Variants in HIVEP1 observed in about 807,000 individuals in gnomAD.
HIVEP1 encodes zinc finger protein 40.
In HIVEP1, 36 loss-of-function variants were observed where a neutral mutation model predicts 180.0. That is an observed-to-expected ratio of 0.20 (90% CI 0.15 to 0.26). The LOEUF (loss-of-function observed/expected upper bound fraction) is 0.26. Among genes scored for constraint, HIVEP1 ranks in the 10% least tolerant of loss-of-function variants. The pLI, the probability that HIVEP1 is intolerant of heterozygous loss-of-function variation, is 1.00. For missense variants in HIVEP1, 3,143 were observed against 3,268.7 expected, an observed-to-expected ratio of 0.96 and a Z score of 0.94; for synonymous variants, 1,239 against 1,239.0, an observed-to-expected ratio of 1.00 and a Z score of 0.00.
the HIVEP1 span, among the ~76,000 whole-genome samples, chr6:12,188,590 C>G: frequency 6.6e-6 from 1 of 151,922 alleles, no homozygotes; most frequent in South Asian, 2.1e-4. Context: ...ATATCAAAAT[C>G]AGAACTTAAA....
At position 12,122,074 on chromosome 6, in the gene HIVEP1, A is replaced by G; in HGVS notation, c.2279A>G (p.Asp760Gly). 1 of 1,614,222 alleles carries G rather than the reference A, an allele frequency of 6.2e-7. No individual in the cohort carries two copies. Among genetic ancestry groups the G allele is most frequent in the South Asian group, 1.1e-5 (1 of 91,090 alleles). ...ATCTCAGACAATGAAGCTTTGGTAG[A>G]TGACAAGCAACTGGATAGTGTGAAG... ...KLISDNEALV[D>G]DKQLDSVKPR... Residue 760 changes from aspartate (D) to glycine (G), a missense_variant, in exon 4 of 9, where the codon GAT becomes GGT. By Grantham distance (94) the Asp-to-Gly change is moderately conservative (BLOSUM62 -1). This residue lies in a region of HIVEP1 where 32 missense variants were observed against 70.0 expected (regional missense o/e 0.46). Coordinates refer to ENST00000379388, the MANE Select transcript of HIVEP1 (RefSeq NM_002114.4).
Position 12,123,347 on chromosome 6 carries a change from T to C in HIVEP1, c.3552T>C (p.Ser1184=). The part of the protein sequence containing the change: ...LKVIGISQEE[S]HPSRDGSHPH... ...TGATAGGAATCTCCCAAGAGGAAAG[T>C]CACCCTTCTCGGGACGGGTCTCATC... Residue 1184 remains serine, a synonymous_variant, in exon 4 of 9, where the codon AGT becomes AGC. Transcript: ENST00000379388. 1.2e-6 allele frequency: 2 copies of C among 1,614,104 alleles called. No homozygotes were observed. The highest frequency in any genetic ancestry group is 1.1e-5 in the South Asian group (1 of 91,076).
chr6:12,186,550 A>AAT, the HIVEP1 span, among the ~76,000 whole-genome samples: 1 of 149,906 alleles, frequency 6.7e-6, no homozygotes, highest in African/African-American at 2.5e-5. Context: ...AAATTGTTAA[A>AAT]AAAAAAAAAA....
upstream of HIVEP1, among the ~76,000 whole-genome samples, chr6:12,010,887 C>T (rs946060031): frequency 6.6e-6 from 1 of 152,180 alleles, no homozygotes; most frequent in Non-Finnish European, 1.5e-5. Flanking sequence ...CCCTTTCACG[C>T]TCTCCCCTCT....
At chr6:12,132,732 T>C (rs904547046) in intron 6 of HIVEP1, among the ~76,000 whole-genome samples, 8 of 152,174 alleles carry the variant, frequency 5.3e-5, no homozygotes, top group African/African-American at 1.9e-4. Flanking sequence ...TTTTGTAAGA[T>C]GTCATGTGGA....
Position 12,122,398 on chromosome 6 carries a change from A to G in HIVEP1, c.2603A>G (p.Asp868Gly). 1 of 1,614,200 alleles carries G rather than the reference A, an allele frequency of 6.2e-7. No homozygotes were observed. Among genetic ancestry groups the G allele is most frequent in the Non-Finnish European group, 8.5e-7 (1 of 1,180,002 alleles). The change falls in exon 4 of 9, where the codon GAT (aspartate) becomes GGT (glycine). Residue 868 changes from aspartate to glycine, a missense_variant. This residue lies in a region of HIVEP1 where 204 missense variants were observed against 243.7 expected (regional missense o/e 0.84). Transcript: ENST00000379388. ...CCACTAAGAGGAAGTCAGTCATTTG[A>G]TGACAAAATTGGCGCTTTCTATGAT... ...PHPLRGSQSF[D>G]DKIGAFYDDV...
At chr6:12,108,647 T>C (rs985952772) in intron 3 of HIVEP1, among the ~76,000 whole-genome samples, 2 of 152,204 alleles carry the variant, frequency 1.3e-5, no homozygotes, top group African/African-American at 2.4e-5. Context: ...AAGCCCCTCA[T>C]TGCCCGGGGC....
In HIVEP1 at chr6:12,018,180, G is replaced by C. The variant is rs562661648; in HGVS notation, c.40+2512G>C. Among the ~76,000 whole-genome samples, 221 of 152,340 alleles carry C rather than the reference G, an allele frequency of 1.5e-3. 2 individuals are homozygous for C. The highest frequency in any genetic ancestry group is 4.9e-3 in the African/African-American group (203 of 41,574). On this transcript the variant is annotated intron_variant, in intron 2 of 8. Transcript: ENST00000379388. Reference sequence around the variant, plus strand: ...TGGCTTGGGTGCTAAGCCCCTCACTGCCCGGGGCCTGCCAAGCCCACGCCA... The same window carrying C: ...TGGCTTGGGTGCTAAGCCCCTCACTCCCCGGGGCCTGCCAAGCCCACGCCA...
intron 7 of HIVEP1, among the ~76,000 whole-genome samples, chr6:12,136,746 A>G (rs1057500775): frequency 5.9e-5 from 9 of 151,964 alleles, no homozygotes; most frequent in African/African-American, 2.2e-4. Flanking sequence ...GTTTTTTTTT[A>G]AAAGGTGTTA....
Position 12,163,972 on chromosome 6 carries a change from C to T in HIVEP1, c.7668C>T (p.Pro2556=), listed in dbSNP as rs374353572. The change falls in exon 9 of 9, where the codon CCC becomes CCT. Residue 2556 remains proline (P), a synonymous_variant. Coordinates refer to ENST00000379388, the MANE Select transcript of HIVEP1 (RefSeq NM_002114.4). ...ILNIALPTLI[P]SVSQVAVDAQ... ...ACATAGCATTGCCCACCTTAATCCC[C>T]TCAGTCAGTCAAGTAGCCGTTGATG... The T allele has an allele frequency of 6.2e-7, 1 of 1,614,014 alleles. No homozygotes were observed. Among genetic ancestry groups the T allele is most frequent in the African/African-American group, 1.3e-5 (1 of 74,916 alleles).
chr6:12,089,298 T>G, intron 3 of HIVEP1, 61 bp downstream of exon 3: 1 of 893,400 alleles, frequency 1.1e-6, no homozygotes, highest in Non-Finnish European at 1.8e-6. Flanking sequence ...TACATATACC[T>G]CATAAATGTA....
At chr6:12,088,384 C>T (rs542699872) in intron 2 of HIVEP1, among the ~76,000 whole-genome samples, 1 of 152,148 alleles carries the variant, frequency 6.6e-6, no homozygotes, top group Non-Finnish European at 1.5e-5. Context: ...AGTACCTAGA[C>T]CAGTGTGTTA....
intron 1 of HIVEP1, among the ~76,000 whole-genome samples, chr6:12,015,118 A>C (rs1767651424): frequency 6.6e-6 from 1 of 152,250 alleles, no homozygotes; most frequent in South Asian, 2.1e-4. Flanking sequence ...TGGAGTAGCC[A>C]CAGTAGCAAC....
rs1204651038 is a variant in HIVEP1, at chr6:12,050,815, C to A, written c.40+35147C>A. Among the ~76,000 whole-genome samples the A allele has an allele frequency of 2.0e-5, 3 of 151,390 alleles. No individual in the cohort carries two copies. The East Asian group carries it at 5.9e-4, about 30-fold the overall frequency. On this transcript the variant is annotated intron_variant, in intron 2 of 8. Transcript: ENST00000379388. ...CCTTTCCTGCTTCCAAGTCTTTGCT[C>A]CTACTTTTGGGGGGTCTTAATCTCC... is the stretch of plus-strand genomic sequence containing the variant.
chr6:12,041,841 A>C (rs1250975414), intron 2 of HIVEP1, among the ~76,000 whole-genome samples: 1 of 120,632 alleles, frequency 8.3e-6, no homozygotes, highest in African/African-American at 3.3e-5. Flanking sequence ...TTGTATTTTT[A>C]GTAGAAACGG....
intron 3 of HIVEP1, among the ~76,000 whole-genome samples, chr6:12,098,832 G>A (rs62395313): frequency 2.5e-3 from 385 of 152,308 alleles, no homozygotes; most frequent in Non-Finnish European, 4.3e-3. Context: ...ACAATATGGT[G>A]TTCTTTTATT....
At chr6:12,168,260 GTA>G (rs1491221788), downstream of HIVEP1, among the ~76,000 whole-genome samples, 55 of 30,976 alleles carry the variant, frequency 1.8e-3, 1 homozygote, top group African/African-American at 5.7e-3. Flanking sequence ...AGATATACGT[GTA>G]TATATACATA....
At chr6:12,207,166 G>A in the HIVEP1 span, among the ~76,000 whole-genome samples, 13 of 152,150 alleles carry the variant, frequency 8.5e-5, no homozygotes, top group African/African-American at 3.1e-4. Flanking sequence ...TGGGTCGTCT[G>A]GTGAGGCACC....
intron 3 of HIVEP1, among the ~76,000 whole-genome samples, chr6:12,091,656 A>G (rs1773482461): frequency 6.6e-6 from 1 of 152,188 alleles, no homozygotes; most frequent in Non-Finnish European, 1.5e-5. Context: ...GAATAAAGAA[A>G]TGCACTAAAT....
Sources: gnomAD v4.1 joint callset for allele counts (sites outside exome capture counted in the v4.1 genomes callset) on GRCh38, gnomAD v4.1.1 for gene constraint, gnomAD v4.1.1 regional missense constraint, MANE v1.5 for transcripts, NCBI Gene and HGNC (gene_info 2026-07-23, HGNC 2026-07-21) for gene names.